THSD7A: variants seen among roughly 807,000 people sequenced by gnomAD.
THSD7A encodes the protein thrombospondin type-1 domain-containing protein 7A.
Under a neutral mutation model 231.3 loss-of-function variants are expected in THSD7A, and 96 were observed. That is an observed-to-expected ratio of 0.41 (90% CI 0.35 to 0.49). The LOEUF (loss-of-function observed/expected upper bound fraction) is 0.49, where lower values mean the gene tolerates loss of function less well. Ranked by LOEUF, THSD7A falls within the 20% of genes least tolerant of loss-of-function variation. The pLI is 0.05. For missense variants in THSD7A, 2,290 were observed against 2,070.2 expected, an observed-to-expected ratio of 1.11 and a Z score of -2.06; for synonymous variants, 940 against 743.3, an observed-to-expected ratio of 1.26 and a Z score of -4.30.
chr7:11,428,132 G>C (rs981557833), intron 14 of THSD7A, among the ~76,000 whole-genome samples: 3 of 152,126 alleles, frequency 2.0e-5, no homozygotes, highest in African/African-American at 7.2e-5. Context: ...ATGTATGTAT[G>C]AAACAATTCT....
chr7:11,627,908 T>C (rs753263868), intron 2 of THSD7A, among the ~76,000 whole-genome samples: 156 of 151,876 alleles, frequency 1.0e-3, no homozygotes, highest in Non-Finnish European at 1.6e-3. Flanking sequence ...ATTTTTTATA[T>C]AAAAAATAAA....
chr7:11,762,937 A>G (rs1190080317), intron 1 of THSD7A, among the ~76,000 whole-genome samples: 1 of 152,192 alleles, frequency 6.6e-6, no homozygotes, highest in African/African-American at 2.4e-5. Context: ...CATTTTTCAC[A>G]GAATTAAAAA....
At chr7:11,745,910 A>T (rs1782283982) in intron 1 of THSD7A, among the ~76,000 whole-genome samples, 1 of 152,040 alleles carries the variant, frequency 6.6e-6, no homozygotes, top group Non-Finnish European at 1.5e-5. Context: ...TTGGCTTAGG[A>T]TTGACTTGGC....
chr7:11,657,292 C>T (rs1197374921), intron 1 of THSD7A, among the ~76,000 whole-genome samples: 1 of 151,668 alleles, frequency 6.6e-6, no homozygotes, highest in African/African-American at 2.4e-5. Flanking sequence ...GGTAGGAATG[C>T]AAATCATGGG....
chr7:11,790,577 T>G (rs1235813574), intron 1 of THSD7A, among the ~76,000 whole-genome samples: 1 of 151,970 alleles, frequency 6.6e-6, no homozygotes, highest in Non-Finnish European at 1.5e-5. Context: ...AAAGATGAGA[T>G]GTTTTTCTAT....
intron 6 of THSD7A, among the ~76,000 whole-genome samples, chr7:11,517,893 C>T (rs899512250): frequency 2.6e-5 from 4 of 152,096 alleles, no homozygotes; most frequent in South Asian, 2.1e-4. Flanking sequence ...CAAATCTTTC[C>T]GGACCACCCA....
At chr7:11,376,140 C>T (rs1782263169) in intron 27 of THSD7A, among the ~76,000 whole-genome samples, 1 of 151,920 alleles carries the variant, frequency 6.6e-6, no homozygotes, top group Non-Finnish European at 1.5e-5. Flanking sequence ...TTAGTATTAA[C>T]AACAGAAATA....
intron 13 of THSD7A, among the ~76,000 whole-genome samples, chr7:11,430,422 T>C (rs1784444603): frequency 2.0e-5 from 3 of 152,166 alleles, no homozygotes; most frequent in Non-Finnish European, 4.4e-5. Context: ...ATTTGCCTAA[T>C]CTAGACATTT....
intron 4 of THSD7A, among the ~76,000 whole-genome samples, chr7:11,581,929 C>T (rs1003413117): frequency 6.6e-6 from 1 of 151,980 alleles, no homozygotes; most frequent in Admixed American, 6.5e-5. Flanking sequence ...TATTTTCCAG[C>T]GGTGGTGACT....
intron 1 of THSD7A, among the ~76,000 whole-genome samples, chr7:11,822,658 TC>T (rs1483389187): frequency 2.0e-5 from 3 of 152,122 alleles, no homozygotes; most frequent in African/African-American, 7.2e-5. Context: ...TAATTTACAT[TC>T]CCACCAATCA....
rs1462179945 is a variant in THSD7A, at chr7:11,616,347, T to C, written c.1022+19783A>G. Among the ~76,000 whole-genome samples the C allele has an allele frequency of 2.6e-5, 4 of 152,190 alleles. No individual in the cohort carries two copies. The East Asian group carries it at 7.7e-4, about 29-fold the overall frequency. On this transcript the variant is annotated intron_variant, in intron 2 of 27. Coordinates refer to ENST00000423059, the MANE Select transcript of THSD7A (RefSeq NM_015204.3). ...CAGACTGTGGTGCTGACTTCATCTTTGACCTCTTCCTGTGTTGGACATACA... is the reference window on the plus strand; with the variant it reads ...CAGACTGTGGTGCTGACTTCATCTTCGACCTCTTCCTGTGTTGGACATACA...
At chr7:11,393,416 A>G (rs549007843) in intron 23 of THSD7A, among the ~76,000 whole-genome samples, 2 of 152,348 alleles carry the variant, frequency 1.3e-5, no homozygotes, top group Non-Finnish European at 2.9e-5. Flanking sequence ...AAACCAGCAC[A>G]AAAAGTCTGA....
intron 13 of THSD7A, among the ~76,000 whole-genome samples, chr7:11,433,387 TC>T (rs956952345): frequency 6.6e-6 from 1 of 152,030 alleles, no homozygotes; most frequent in Non-Finnish European, 1.5e-5. Flanking sequence ...TCACTTATTT[TC>T]TTTAAATAAG....
chr7:11,586,501 A>T (rs1350846678), intron 4 of THSD7A, among the ~76,000 whole-genome samples: 2 of 152,146 alleles, frequency 1.3e-5, no homozygotes, highest in African/African-American at 4.8e-5. Flanking sequence ...ATTCTTACCT[A>T]CCTTTTATTT....
chr7:11,533,442 C>T (rs1293349005), intron 6 of THSD7A, among the ~76,000 whole-genome samples: 1 of 152,124 alleles, frequency 6.6e-6, no homozygotes, highest in African/African-American at 2.4e-5. Flanking sequence ...CAGCTGGATA[C>T]ATATATTTAT....
intron 10 of THSD7A, among the ~76,000 whole-genome samples, chr7:11,461,783 A>G (rs1312313278): frequency 6.6e-6 from 1 of 152,194 alleles, no homozygotes; most frequent in African/African-American, 2.4e-5. Context: ...TACTGGAGCT[A>G]ACACGTCACC....
In THSD7A at chr7:11,460,623, C is replaced by T. The variant is rs370360891; in HGVS notation, c.2605+39G>A. 58 of 1,519,860 alleles carry T rather than the reference C, an allele frequency of 3.8e-5. No individual in the cohort carries two copies. The African/African-American group carries it at 5.9e-4, about 16-fold the overall frequency. The allele number at this position is 1,519,860 out of a possible 1,614,324, so 94.1% of individuals were successfully genotyped here. A position where few individuals can be genotyped will look rare whatever the true frequency, so the allele number is the denominator to read the frequency against. ...TGCATCAAAACAGTAGTTAAACTAGCGATGCTGGAGAAATGAACTGTGGAA... is the reference window on the plus strand; with the variant it reads ...TGCATCAAAACAGTAGTTAAACTAGTGATGCTGGAGAAATGAACTGTGGAA... On this transcript the variant is annotated intron_variant, in intron 11 of 27. Coordinates refer to ENST00000423059, the MANE Select transcript of THSD7A (RefSeq NM_015204.3).
chr7:11,487,686 A>G (rs192503753), intron 6 of THSD7A, among the ~76,000 whole-genome samples: 19 of 152,230 alleles, frequency 1.2e-4, no homozygotes, highest in Non-Finnish European at 2.5e-4. Context: ...CATGCCTTAC[A>G]TGGTGGCAGG....
intron 1 of THSD7A, among the ~76,000 whole-genome samples, chr7:11,783,685 G>T (rs927232972): frequency 6.6e-6 from 1 of 152,104 alleles, no homozygotes; most frequent in Non-Finnish European, 1.5e-5. Flanking sequence ...CAATCAACTA[G>T]TTAGTGAGCT....
Sources: gnomAD v4.1 joint callset for allele counts (sites outside exome capture counted in the v4.1 genomes callset) on GRCh38, gnomAD v4.1.1 for gene constraint, MANE v1.5 for transcripts, NCBI Gene and HGNC (gene_info 2026-07-23, HGNC 2026-07-21) for gene names.